Variants in FBF1 observed in about 807,000 individuals in gnomAD.
The protein encoded by FBF1 is Fas binding factor 1.
FBF1 carries 119 observed loss-of-function variants against 147.2 expected under a neutral mutation model. The observed-to-expected ratio is 0.81, with a 90% CI of 0.70 to 0.94. The LOEUF (loss-of-function observed/expected upper bound fraction) is 0.94, where lower values mean the gene tolerates loss of function less well. Among genes scored for constraint, FBF1 ranks in the 40% least tolerant of loss-of-function variants. FBF1 has a pLI of 0.00. For missense variants in FBF1, 1,449 were observed against 1,500.8 expected (o/e 0.97, Z 0.57); for synonymous variants, 601 against 609.0 (o/e 0.99, Z 0.19).
Position 75,923,069 on chromosome 17 carries a change from G to T in FBF1, c.1424+117C>A. On this transcript the variant is annotated intron_variant, in intron 14 of 29. Transcript: ENST00000636174. This position sits in a 1 kb window ranked among gnomAD's most constrained non-coding sequence, Gnocchi z 4.1. ...CCAAGAAGCGGCCTCTGTGGCCACG[G>T]CGCCCTGCCTTGTTCCCCAACTGCT... 1 of 1,063,792 alleles carries T rather than the reference G, an allele frequency of 9.4e-7. No homozygotes were observed. Among genetic ancestry groups the T allele is most frequent in the Non-Finnish European group, 1.3e-6 (1 of 747,282 alleles). 65.9% of individuals were successfully genotyped at this position (1,063,792 alleles called of 1,614,324 possible). A position where few individuals can be genotyped will look rare whatever the true frequency, so the allele number is the denominator to read the frequency against.
At chr17:75,931,320 C>T in intron 5 of FBF1, 31 bp from the exon 6 acceptor site, 1 of 1,559,826 alleles carries the variant, frequency 6.4e-7, no homozygotes, top group Non-Finnish European at 8.7e-7. Flanking sequence ...CCCCTACCTG[C>T]ATCCCAGGGC....
chr17:75,929,401 G>A (rs1291243239), intron 7 of FBF1, among the ~76,000 whole-genome samples: 1 of 152,052 alleles, frequency 6.6e-6, no homozygotes, highest in African/African-American at 2.4e-5. Context: ...CCAAAAACGC[G>A]GCTTTGTCCT....
In FBF1 at chr17:75,921,930, G is replaced by A. The variant is rs376437235; in HGVS notation, c.1526+15C>T. The A allele has an allele frequency of 5.2e-5, 81 of 1,546,970 alleles. No individual in the cohort carries two copies. The highest frequency in any genetic ancestry group is 1.4e-4 in the Admixed American group (7 of 50,900). The stretch of plus-strand genomic sequence containing the variant: ...CCATGCTCTCATTCCCACTCAGCCC[G>A]CAGCCCAGGCCTACCCCGAGACACC... On this transcript the variant is annotated intron_variant, in intron 15 of 29. Transcript: ENST00000636174.
At position 75,926,783 on chromosome 17, in the gene FBF1, CTT is replaced by C. The variant is rs1430954277; in HGVS notation, c.568_569del (p.Lys190GlufsTer30). 1 of 1,613,722 alleles carries C rather than the reference CTT, an allele frequency of 6.2e-7. No homozygotes were observed. The highest frequency in any genetic ancestry group is 2.2e-5 in the East Asian group (1 of 44,900). Reference protein sequence around the residue: ...PVTQSKTASDKSPSTVRDQGP... With the variant: ...PVTQSKTASDXSPSTVRDQGP... ...CTTGATCTCTCACTGTGCTGGGGCT[CTT>C]GTCAGAAGCTGTTTTACTCTGTGTC... is the stretch of plus-strand genomic sequence containing the variant. On this transcript the variant is annotated frameshift_variant, in exon 10 of 30. Coordinates refer to ENST00000636174, the MANE Select transcript of FBF1 (RefSeq NM_001319193.2). LOFTEE classifies it high-confidence loss of function.
chr17:75,915,124 T>C lies in FBF1; in HGVS notation c.2521A>G (p.Thr841Ala), dbSNP rs1173303804. 24 of 1,607,748 alleles carry C rather than the reference T, an allele frequency of 1.5e-5. No homozygotes were observed. The highest frequency in any genetic ancestry group is 2.0e-5 in the Non-Finnish European group (24 of 1,178,870). ...GACTCCGCCTTGGACTGCTCGGCAG[T>C]CACCCGCCAGCGTTCCTGTAGGGCC... ...RLLEQERWRV[T>A]AEQSKAESMQ... is the part of the protein sequence containing the mutation. Residue 841 changes from threonine (T) to alanine (A), a missense_variant, in exon 24 of 30, where the codon ACT becomes GCT. Coordinates refer to ENST00000636174, the MANE Select transcript of FBF1 (RefSeq NM_001319193.2).
chr17:75,926,403 C>G lies in FBF1; in HGVS notation c.619G>C (p.Gly207Arg), dbSNP rs1243718285. ...DQGPSIPLTPGDTPIRKKEEL... is the reference protein window; with the variant it reads ...DQGPSIPLTPRDTPIRKKEEL... ...TCTTTTTTTCGGATGGGGGTGTCCC[C>G]AGGAGTTAGAGGAATAGAGGGACCT... Residue 207 changes from glycine to arginine, a missense_variant, in exon 11 of 30, where the codon GGG becomes CGG. Gly to Arg is a moderately radical substitution (Grantham distance 125). Transcript: ENST00000636174. 1 of 1,591,590 alleles carries G rather than the reference C, an allele frequency of 6.3e-7. No individual in the cohort carries two copies. The highest frequency in any genetic ancestry group is 1.2e-5 in the South Asian group (1 of 86,916).
At chr17:75,929,961 C>A in intron 7 of FBF1, 36 bp downstream of exon 7, 1 of 1,323,046 alleles carries the variant, frequency 7.6e-7, no homozygotes, top group Non-Finnish European at 1.1e-6. Context: ...CCCCACCCAC[C>A]CCCAGTTCTA....
chr17:75,923,353 G>T lies in FBF1; in HGVS notation c.1257C>A (p.Ala419=). Residue 419 remains alanine (A), a synonymous_variant, in exon 14 of 30, where the codon GCC becomes GCA. Transcript: ENST00000636174. The surrounding 1 kb of genome is among the most constrained non-coding windows in gnomAD (Gnocchi z 4.1). ...KPPTEGAGSP[A]KASQASKLRA... is the part of the protein sequence containing the mutation. ...GCAGCTTGGAAGCCTGGCTGGCTTT[G>T]GCAGGGGACCCTGCACCTTCAGTTG... 2 of 1,604,672 alleles carry T rather than the reference G, an allele frequency of 1.2e-6. No homozygotes were observed. Among genetic ancestry groups the T allele is most frequent in the Non-Finnish European group, 1.7e-6 (2 of 1,176,054 alleles).
Position 75,918,220 on chromosome 17 carries a change from G to A in FBF1, c.2188C>T (p.Leu730=). The part of the protein sequence containing the change: ...RRDHEEQLQR[L]KLLKDREVDA... ...ACCTCTCGGTCCTTCAGCAGCTTTA[G>A]CCGCTGCAGCTGCTCCTCGTGGTCT... Residue 730 remains leucine, a synonymous_variant, in exon 21 of 30, where the codon CTA becomes TTA. Coordinates refer to ENST00000636174, the MANE Select transcript of FBF1 (RefSeq NM_001319193.2). The surrounding 1 kb of genome is among the most constrained non-coding windows in gnomAD (Gnocchi z 5.8). The A allele has an allele frequency of 1.2e-6, 2 of 1,613,496 alleles. No homozygotes were observed. Among genetic ancestry groups the A allele is most frequent in the South Asian group, 1.1e-5 (1 of 91,078 alleles).
rs35055735 is a variant in FBF1 at position 75,916,007 on chromosome 17, CAAAA to C, written c.2506-872_2506-869del. Among the ~76,000 whole-genome samples the C allele has an allele frequency of 2.7e-4, 18 of 65,468 alleles. 1 individual carries two copies. The highest frequency in any genetic ancestry group is 3.7e-4 in the African/African-American group (6 of 16,062). 42.9% of individuals were successfully genotyped at this position (65,468 alleles called of 152,430 possible). On this transcript the variant is annotated intron_variant, in intron 23 of 29. Coordinates refer to ENST00000636174, the MANE Select transcript of FBF1 (RefSeq NM_001319193.2). The stretch of plus-strand genomic sequence containing the variant: ...TGGGTGACAGAGCGAGACTCTGACT[CAAAA>C]AAAAAAAAAAAAAAAAAAAAGTTTT...
chr17:75,937,778 G>C lies in FBF1; in HGVS notation c.4-185C>G, dbSNP rs182907741. The C allele has an allele frequency of 4.7e-4, 330 of 708,458 alleles. 1 individual carries two copies. The African/African-American group carries it at 4.9e-3, about 11-fold the overall frequency. The allele number at this position is 708,458 out of a possible 1,614,324, so 43.9% of individuals were successfully genotyped here. ...CTGAGAACGGACTCATTCAGAGCGT[G>C]GAAACAGCCCTGCTAACCAGCGATG... On this transcript the variant is annotated intron_variant, in intron 2 of 29. Coordinates refer to ENST00000636174, the MANE Select transcript of FBF1 (RefSeq NM_001319193.2).
chr17:75,937,554 C>G lies in FBF1; in HGVS notation c.31+12G>C, dbSNP rs770480205. 5.0e-6 allele frequency: 8 copies of G among 1,613,656 alleles called. No individual in the cohort carries two copies. The highest frequency in any genetic ancestry group is 6.8e-6 in the Non-Finnish European group (8 of 1,179,722). ...ATTTGGCTTAAGAGTAATGTTCCATCTCTCCACTCACCTTTACATCCTTTC... is the reference window on the plus strand; with the variant it reads ...ATTTGGCTTAAGAGTAATGTTCCATGTCTCCACTCACCTTTACATCCTTTC... On this transcript the variant is annotated intron_variant, in intron 3 of 29. Transcript: ENST00000636174.
At chr17:75,932,905 G>A in intron 5 of FBF1, 90 bp downstream of exon 5, 1 of 783,658 alleles carries the variant, frequency 1.3e-6, no homozygotes. Flanking sequence ...AAAATGGCGA[G>A]CAAATGTGAA....
chr17:75,927,616 G>T, intron 8 of FBF1, 84 bp from the exon 9 acceptor site: 2 of 1,226,456 alleles, frequency 1.6e-6, no homozygotes, highest in Non-Finnish European at 2.3e-6. Flanking sequence ...GGGGCCCCTG[G>T]GATGGGGTGC....
chr17:75,924,431 A>G (rs1307457160), intron 13 of FBF1, among the ~76,000 whole-genome samples: 1 of 152,152 alleles, frequency 6.6e-6, no homozygotes, highest in Admixed American at 6.5e-5. Context: ...CAACTGCTGA[A>G]CCTGGGAAAG....
chr17:75,909,872 T>A lies in FBF1; in HGVS notation c.*851A>T. 1 of 698,802 alleles carries A rather than the reference T, an allele frequency of 1.4e-6. No homozygotes were observed. The highest frequency in any genetic ancestry group is 2.6e-6 in the Non-Finnish European group (1 of 382,248). The allele number at this position is 698,802 out of a possible 1,614,324, so 43.3% of individuals were successfully genotyped here. On this transcript the variant is annotated 3_prime_UTR_variant, in exon 30 of 30. Coordinates refer to ENST00000636174, the MANE Select transcript of FBF1 (RefSeq NM_001319193.2). ...CATGGCAAAAGCAGTTTTTTTAAGC[T>A]TAGTCAAGTTGAAGCAGCGGGAGTG...
intron 28 of FBF1, among the ~76,000 whole-genome samples, chr17:75,913,144 CTTTTTTTTTT>C (rs869041751): frequency 1.6e-5 from 2 of 124,066 alleles, no homozygotes; most frequent in Non-Finnish European, 3.4e-5. Context: ...TTGAGGGTGA[CTTTTTTTTTT>C]TTTTTTTTTT....
In FBF1 at chr17:75,926,766, C is replaced by G; in HGVS notation, c.587G>C (p.Arg196Thr). ...AGCCCACTCCACCCTACCTTGATCT[C>G]TCACTGTGCTGGGGCTCTTGTCAGA... ...TASDKSPSTV[R>T]DQGPSIPLTP... The change falls in exon 10 of 30, where the codon AGA becomes ACA. Residue 196 changes from arginine to threonine, a missense_variant. Arg to Thr is a moderately conservative substitution (Grantham distance 71). Coordinates refer to ENST00000636174, the MANE Select transcript of FBF1 (RefSeq NM_001319193.2). 6.2e-7 allele frequency: 1 copy of G among 1,613,376 alleles called. No homozygotes were observed. Among genetic ancestry groups the G allele is most frequent in the Non-Finnish European group, 8.5e-7 (1 of 1,179,672 alleles).
intron 1 of FBF1, chr17:75,939,794 C>G (rs569319129): frequency 1.3e-5 from 2 of 152,360 alleles, no homozygotes; most frequent in South Asian, 2.1e-4. Context: ...CTCCCTCCCC[C>G]TCCTCCACTT....
Sources: gnomAD v4.1 joint callset for allele counts (sites outside exome capture counted in the v4.1 genomes callset) on GRCh38, gnomAD v4.1.1 for gene constraint, Gnocchi (gnomAD v3.1) non-coding constraint, MANE v1.5 for transcripts, NCBI Gene and HGNC (gene_info 2026-07-23, HGNC 2026-07-21) for gene names.